The following LINGO2 variants were observed in gnomAD, a reference collection of about 807,000 sequenced individuals.
LINGO2 encodes leucine-rich repeat and immunoglobulin-like domain-containing nogo receptor-interacting protein 2.
LINGO2 carries 14 observed loss-of-function variants against 30.6 expected under a neutral mutation model. The ratio of observed to expected loss-of-function variants is 0.46; its 90% confidence interval spans 0.30 to 0.72. LINGO2 has a LOEUF of 0.72. Ranked by LOEUF, LINGO2 falls within the 30% of genes least tolerant of loss-of-function variation. The pLI is 0.07. For missense variants in LINGO2, 729 were observed against 751.7 expected, an observed-to-expected ratio of 0.97 and a Z score of 0.35; for synonymous variants, 317 against 288.5, an observed-to-expected ratio of 1.10 and a Z score of -1.00.
chr9:28,226,622 A>AGAAG (rs767089433), intron 4 of LINGO2, among the ~76,000 whole-genome samples: 1 of 89,044 alleles, frequency 1.1e-5, no homozygotes, highest in Non-Finnish European at 2.4e-5. Context: ...TAAGAAGGAA[A>AGAAG]GAAGGAAAGA....
the LINGO2 span, among the ~76,000 whole-genome samples, chr9:28,705,256 A>G: frequency 1.3e-5 from 2 of 152,088 alleles, no homozygotes; most frequent in African/African-American, 4.8e-5. Context: ...ATAATGTACT[A>G]GGTAAAAGAA....
intron 1 of LINGO2, among the ~76,000 whole-genome samples, chr9:28,596,995 T>C (rs558165930): frequency 6.6e-6 from 1 of 152,298 alleles, no homozygotes; most frequent in East Asian, 1.9e-4. Context: ...CTATCTATAC[T>C]GGCAAGATGC....
intron 4 of LINGO2, among the ~76,000 whole-genome samples, chr9:28,119,043 T>G (rs1286188355): frequency 9.6e-6 from 1 of 103,744 alleles, no homozygotes; most frequent in African/African-American, 3.7e-5. Context: ...CATTTTACCT[T>G]TGGCAGTCAA....
chr9:29,188,934 G>A, the LINGO2 span, among the ~76,000 whole-genome samples: 1 of 147,582 alleles, frequency 6.8e-6, no homozygotes, highest in Non-Finnish European at 1.5e-5. Flanking sequence ...TCACCTCCCG[G>A]ACGGGGTGGC....
chr9:28,145,235 T>G (rs1827780730), intron 4 of LINGO2, among the ~76,000 whole-genome samples: 1 of 152,142 alleles, frequency 6.6e-6, no homozygotes. Flanking sequence ...GCTCAAAGTG[T>G]GCGAGGAAGG....
intron 4 of LINGO2, among the ~76,000 whole-genome samples, chr9:28,082,021 A>C (rs902687347): frequency 1.7e-4 from 26 of 152,098 alleles, no homozygotes; most frequent in African/African-American, 6.3e-4. Context: ...TACACATGGG[A>C]CTTCTTGATC....
intron 1 of LINGO2, among the ~76,000 whole-genome samples, chr9:28,526,055 C>CAAAAAAAAAAAAAAAAAAAAAAAAAAAA: frequency 2.1e-5 from 1 of 48,516 alleles, no homozygotes; most frequent in Non-Finnish European, 3.7e-5. Context: ...GACTCCGTCT[C>CAAAAAAAAAAAAAAAAAAAAAAAAAAAA]AAAAAAAAAA....
the LINGO2 span, among the ~76,000 whole-genome samples, chr9:29,189,043 T>G: frequency 9.8e-5 from 10 of 102,180 alleles, no homozygotes; most frequent in African/African-American, 3.6e-4. Flanking sequence ...ACGGGGCGGC[T>G]GGCCGGGCGG....
At chr9:28,514,018 T>C (rs1353987355) in intron 1 of LINGO2, among the ~76,000 whole-genome samples, 2 of 152,224 alleles carry the variant, frequency 1.3e-5, no homozygotes, top group Non-Finnish European at 2.9e-5. Context: ...ATTTCAGAAC[T>C]ATTCATTATT....
chr9:28,101,674 T>C (rs1002088255), intron 4 of LINGO2, among the ~76,000 whole-genome samples: 1 of 152,194 alleles, frequency 6.6e-6, no homozygotes, highest in African/African-American at 2.4e-5. Context: ...AATATTTGTC[T>C]CTGGGAGAGT....
At chr9:28,445,708 G>C (rs1488163386) in intron 2 of LINGO2, among the ~76,000 whole-genome samples, 1 of 152,108 alleles carries the variant, frequency 6.6e-6, no homozygotes, top group African/African-American at 2.4e-5. Flanking sequence ...CATTTTGAAA[G>C]CAAATCTGAA....
chr9:28,624,976 C>T (rs916671287), intron 1 of LINGO2, among the ~76,000 whole-genome samples: 4 of 151,870 alleles, frequency 2.6e-5, no homozygotes, highest in African/African-American at 4.8e-5. Context: ...CCTTTATCCA[C>T]CCCAGCTGGT....
the LINGO2 span, among the ~76,000 whole-genome samples, chr9:28,702,191 C>T: frequency 1.3e-5 from 2 of 151,910 alleles, no homozygotes; most frequent in South Asian, 2.1e-4. Flanking sequence ...AATATCCTTC[C>T]CTTGTTTCTT....
At chr9:28,641,470 A>C (rs1400758194) in intron 1 of LINGO2, among the ~76,000 whole-genome samples, 1 of 152,190 alleles carries the variant, frequency 6.6e-6, no homozygotes, top group Admixed American at 6.5e-5. Flanking sequence ...TAGTGAAAGG[A>C]AACATTCACA....
chr9:28,078,067 A>C (rs942396319), intron 4 of LINGO2, among the ~76,000 whole-genome samples: 5 of 149,414 alleles, frequency 3.3e-5, no homozygotes, highest in Non-Finnish European at 5.9e-5. Flanking sequence ...CAAATAAATA[A>C]TGGCTCTTGC....
rs149957901 is a variant in LINGO2, at chr9:28,125,596, TCTTA to T, written c.-86-113195_-86-113192del. Among the ~76,000 whole-genome samples, 503 of 152,242 alleles carry T rather than the reference TCTTA, an allele frequency of 3.3e-3. 4 individuals are homozygous for T. Among genetic ancestry groups the T allele is most frequent in the African/African-American group, 0.012 (488 of 41,554 alleles). On this transcript the variant is annotated intron_variant, in intron 4 of 5. Coordinates refer to ENST00000379992, the Ensembl canonical transcript of LINGO2. ...ACATATGCTGTTGACTGCAGGGCTC[TCTTA>T]GAGTCTCATCCCTGGAATAGGAGAG...
the LINGO2 span, among the ~76,000 whole-genome samples, chr9:29,162,487 C>T: frequency 6.6e-6 from 1 of 151,978 alleles, no homozygotes; most frequent in Non-Finnish European, 1.5e-5. Context: ...GTAACACTTG[C>T]CCAAGCACAT....
the LINGO2 span, chr9:28,863,679 G>T: frequency 1.9e-6 from 1 of 531,934 alleles, no homozygotes. Flanking sequence ...TAGATATGGT[G>T]ATTCACAAAG....
At chr9:28,499,854 G>A (rs1819814268) in intron 1 of LINGO2, among the ~76,000 whole-genome samples, 1 of 152,114 alleles carries the variant, frequency 6.6e-6, no homozygotes. Context: ...TTAGAGAATA[G>A]TAGATAAGTT....
Sources: allele counts gnomAD v4.1 joint callset (sites outside exome capture counted in the v4.1 genomes callset), GRCh38; gene constraint gnomAD v4.1.1; transcripts MANE v1.5; gene names NCBI Gene and HGNC (gene_info 2026-07-23, HGNC 2026-07-21).